SH3GL3: variants seen among roughly 807,000 people sequenced by gnomAD.
SH3GL3 encodes the protein SH3 domain containing GRB2 like 3, endophilin A3.
In SH3GL3, 33 loss-of-function variants were observed where a neutral mutation model predicts 47.7. The observed-to-expected ratio is 0.69, with a 90% CI of 0.52 to 0.92. The LOEUF (loss-of-function observed/expected upper bound fraction) is 0.92. SH3GL3 is among the 40% of genes least tolerant of loss of function. SH3GL3 has a pLI of 0.00. For missense variants in SH3GL3, 363 were observed against 417.8 expected (o/e 0.87, Z 1.14); for synonymous variants, 155 against 148.8 (o/e 1.04, Z -0.30).
At chr15:83,499,408 A>C (rs1327278708) in intron 1 of SH3GL3, among the ~76,000 whole-genome samples, 1 of 151,844 alleles carries the variant, frequency 6.6e-6, no homozygotes, top group Non-Finnish European at 1.5e-5. Context: ...AAAAAAAAAA[A>C]AAAGAAAGGC....
intron 1 of SH3GL3, among the ~76,000 whole-genome samples, chr15:83,543,174 G>A (rs943650908): frequency 6.6e-6 from 1 of 151,874 alleles, no homozygotes; most frequent in African/African-American, 2.4e-5. Context: ...TTTTTTTAGG[G>A]TTTTTATAAT....
intron 1 of SH3GL3, among the ~76,000 whole-genome samples, chr15:83,508,020 C>A (rs578126361): frequency 1.3e-5 from 2 of 151,698 alleles, no homozygotes; most frequent in Non-Finnish European, 2.9e-5. Context: ...TGGCTCACTG[C>A]AACCTCCACC....
chr15:83,497,634 C>T (rs943629239), intron 1 of SH3GL3, among the ~76,000 whole-genome samples: 3 of 152,198 alleles, frequency 2.0e-5, no homozygotes, highest in African/African-American at 7.2e-5. Context: ...CCTTAGGCCT[C>T]CCCTGTCTCA....
intron 8 of SH3GL3, among the ~76,000 whole-genome samples, chr15:83,592,504 C>T (rs1007997146): frequency 4.3e-5 from 6 of 139,720 alleles, no homozygotes; most frequent in African/African-American, 1.5e-4. Context: ...TGCTAAGACC[C>T]ATGTCATGGT....
At chr15:83,537,023 T>C (rs916364747) in intron 1 of SH3GL3, among the ~76,000 whole-genome samples, 2 of 152,136 alleles carry the variant, frequency 1.3e-5, no homozygotes, top group Non-Finnish European at 2.9e-5. Context: ...GGGGTAGGTT[T>C]TTGTCTGTTT....
intron 1 of SH3GL3, among the ~76,000 whole-genome samples, chr15:83,495,972 A>T (rs899591930): frequency 6.3e-5 from 9 of 142,958 alleles, no homozygotes; most frequent in Admixed American, 4.8e-4. Flanking sequence ...AACCCTTGTT[A>T]AAAAAAAAAG....
chr15:83,547,116 C>T (rs1171589777), intron 1 of SH3GL3, among the ~76,000 whole-genome samples: 1 of 152,146 alleles, frequency 6.6e-6, no homozygotes, highest in South Asian at 2.1e-4. Flanking sequence ...AGCAGAGCAC[C>T]AGTATTTGTC....
chr15:83,487,547 T>C (rs546199373), intron 1 of SH3GL3, among the ~76,000 whole-genome samples: 2 of 152,330 alleles, frequency 1.3e-5, no homozygotes, highest in East Asian at 3.9e-4. Context: ...AGAATGTTTT[T>C]GCTCTTTTTT....
intron 1 of SH3GL3, among the ~76,000 whole-genome samples, chr15:83,456,995 A>C (rs971639946): frequency 6.6e-6 from 1 of 152,222 alleles, no homozygotes; most frequent in Non-Finnish European, 1.5e-5. Context: ...TAAACGTGGT[A>C]CCTCACCAAT....
downstream of SH3GL3, among the ~76,000 whole-genome samples, chr15:83,623,366 G>A (rs1025917081): frequency 1.3e-5 from 2 of 152,218 alleles, no homozygotes; most frequent in Admixed American, 1.3e-4. Flanking sequence ...TCACGGGACT[G>A]GGGGATAGTT....
intron 2 of SH3GL3, among the ~76,000 whole-genome samples, chr15:83,560,133 A>C (rs1186634093): frequency 6.6e-6 from 1 of 152,154 alleles, no homozygotes; most frequent in Admixed American, 6.5e-5. Flanking sequence ...ACCCCAGAGG[A>C]GAGAGGGAGG....
intron 1 of SH3GL3, among the ~76,000 whole-genome samples, chr15:83,502,848 G>A (rs1256482331): frequency 6.6e-6 from 1 of 152,116 alleles, no homozygotes; most frequent in East Asian, 1.9e-4. Context: ...TCACACCCTT[G>A]GCCTAGCCAT....
intron 3 of SH3GL3, among the ~76,000 whole-genome samples, chr15:83,567,069 A>T (rs1002456905): frequency 6.6e-6 from 1 of 152,194 alleles, no homozygotes; most frequent in Admixed American, 6.5e-5. Flanking sequence ...ACAAACTAGT[A>T]TGTGATTCAC....
intron 1 of SH3GL3, chr15:83,488,098 G>A (rs1264576467): frequency 6.6e-6 from 1 of 151,972 alleles, no homozygotes; most frequent in African/African-American, 2.4e-5. Flanking sequence ...ATATGGTCTC[G>A]ATCTCCTGAC....
At chr15:83,569,521 C>G (rs2045714445) in intron 4 of SH3GL3, among the ~76,000 whole-genome samples, 1 of 152,088 alleles carries the variant, frequency 6.6e-6, no homozygotes, top group Admixed American at 6.5e-5. Context: ...GATAACATGT[C>G]TAGTATAAAA....
chr15:83,456,522 C>T (rs370676997), intron 1 of SH3GL3, among the ~76,000 whole-genome samples: 3 of 79,764 alleles, frequency 3.8e-5, no homozygotes, highest in African/African-American at 9.1e-5. Flanking sequence ...TGCGCCGTTT[C>T]TTAAGCCGGT....
chr15:83,520,517 G>C, intron 1 of SH3GL3, among the ~76,000 whole-genome samples: 1 of 152,176 alleles, frequency 6.6e-6, no homozygotes, highest in East Asian at 1.9e-4. Context: ...GGAGAAAGCT[G>C]TCTTCCAAGA....
chr15:83,633,614 G>T, the SH3GL3 span, among the ~76,000 whole-genome samples: 1 of 152,106 alleles, frequency 6.6e-6, no homozygotes, highest in African/African-American at 2.4e-5. Context: ...GACTGCAAAG[G>T]CGCCAGTTCA....
At chr15:83,459,624 C>T (rs960840057) in intron 1 of SH3GL3, among the ~76,000 whole-genome samples, 5 of 152,264 alleles carry the variant, frequency 3.3e-5, no homozygotes, top group South Asian at 4.1e-4. Flanking sequence ...AAATCGATTT[C>T]TTTATACTTT....
Sources: allele counts gnomAD v4.1 joint callset (sites outside exome capture counted in the v4.1 genomes callset), GRCh38; gene constraint gnomAD v4.1.1; transcripts MANE v1.5; gene names NCBI Gene and HGNC (gene_info 2026-07-23, HGNC 2026-07-21).